Variants in SEMA3C observed in about 807,000 individuals in gnomAD.
SEMA3C encodes semaphorin-3C.
Under a neutral mutation model 89.4 loss-of-function variants are expected in SEMA3C, and 47 were observed. That is an observed-to-expected ratio of 0.53 (90% CI 0.42 to 0.67). The LOEUF (loss-of-function observed/expected upper bound fraction) is 0.67. Ranked by LOEUF, SEMA3C falls within the 30% of genes least tolerant of loss-of-function variation. The pLI is 0.00. For synonymous variants in SEMA3C, 310 were observed against 320.2 expected, an observed-to-expected ratio of 0.97 and a Z score of 0.34; for missense variants, 839 against 929.1, an observed-to-expected ratio of 0.90 and a Z score of 1.26.
intron 2 of SEMA3C, among the ~76,000 whole-genome samples, chr7:80,884,733 G>GT (rs1311535178): frequency 1.3e-5 from 2 of 152,194 alleles, no homozygotes; most frequent in Non-Finnish European, 2.9e-5. Context: ...AAATAGTAAA[G>GT]TGACTGTTTC....
upstream of SEMA3C, chr7:80,922,225 T>C (rs768130388): frequency 7.8e-7 from 1 of 1,283,644 alleles, no homozygotes; most frequent in Non-Finnish European, 1.0e-6. Context: ...ATTGCCGTAA[T>C]GTCTCAGGTT....
chr7:80,908,872 T>C (rs932964783), intron 2 of SEMA3C, among the ~76,000 whole-genome samples: 1 of 152,062 alleles, frequency 6.6e-6, no homozygotes, highest in African/African-American at 2.4e-5. Context: ...AAACTAATGA[T>C]CCAATTATAT....
In SEMA3C at chr7:80,798,240, AAAAAG is replaced by A; in HGVS notation, c.987-9_987-5del. ...GGCTGATCCTTTGAAAACTGAGCTA[AAAAAG>A]AAAACAGAAAAAGGCATTTTCAAAT... On this transcript the variant is annotated splice_region_variant and splice_polypyrimidine_tract_variant and intron_variant, in intron 10 of 17. Transcript: ENST00000265361. 1 of 1,427,442 alleles carries A rather than the reference AAAAAG, an allele frequency of 7.0e-7. No individual in the cohort carries two copies. Among genetic ancestry groups the A allele is most frequent in the South Asian group, 1.7e-5 (1 of 60,524 alleles). 88.4% of individuals were successfully genotyped at this position (1,427,442 alleles called of 1,614,324 possible). A position where few individuals can be genotyped will look rare whatever the true frequency, so the allele number is the denominator to read the frequency against.
At chr7:80,874,518 G>C (rs1266388499) in intron 2 of SEMA3C, among the ~76,000 whole-genome samples, 1 of 151,520 alleles carries the variant, frequency 6.6e-6, no homozygotes, top group Non-Finnish European at 1.5e-5. Flanking sequence ...CCAGGCTGGA[G>C]TGCAATGGCA....
In SEMA3C at chr7:80,804,243, T is replaced by C. The variant is rs371017270; in HGVS notation, c.664A>G (p.Met222Val). The part of the protein sequence containing the change: ...QHNSKWLSEP[M>V]FVDAHVIPDG... ...GGGATGACATGTGCATCTACAAACA[T>C]AGGTTCTAGAAAAAAAGGTAAAAGA... is the stretch of plus-strand genomic sequence containing the variant. The change falls in exon 8 of 18, where the codon ATG becomes GTG. Residue 222 changes from methionine to valine, a missense_variant. Transcript: ENST00000265361. 6.3e-6 allele frequency: 10 copies of C among 1,589,354 alleles called. No homozygotes were observed. The highest frequency in any genetic ancestry group is 1.4e-5 in the African/African-American group (1 of 73,772).
At chr7:80,776,028 A>G (rs1401045384) in intron 12 of SEMA3C, among the ~76,000 whole-genome samples, 1 of 151,842 alleles carries the variant, frequency 6.6e-6, no homozygotes, top group Middle Eastern at 3.2e-3. Context: ...CATCCTCAAA[A>G]GCAGATCTAC....
intron 4 of SEMA3C, among the ~76,000 whole-genome samples, chr7:80,823,596 T>C (rs904420377): frequency 3.3e-5 from 5 of 152,030 alleles, no homozygotes; most frequent in African/African-American, 1.2e-4. Context: ...TCTAGGGAAA[T>C]GAATCAAGGT....
At chr7:80,813,559 T>G (rs1488704610) in intron 5 of SEMA3C, among the ~76,000 whole-genome samples, 1 of 152,248 alleles carries the variant, frequency 6.6e-6, no homozygotes, top group Admixed American at 6.5e-5. Context: ...TGTAATATTA[T>G]ATTGATATAT....
At chr7:80,756,966 C>A (rs909722957) in intron 15 of SEMA3C, among the ~76,000 whole-genome samples, 2 of 152,178 alleles carry the variant, frequency 1.3e-5, no homozygotes, top group African/African-American at 2.4e-5. Flanking sequence ...CTTTAGAATG[C>A]ATTATCCCTG....
intron 2 of SEMA3C, among the ~76,000 whole-genome samples, chr7:80,875,702 A>G (rs924558202): frequency 6.6e-6 from 1 of 152,014 alleles, no homozygotes; most frequent in South Asian, 2.1e-4. Flanking sequence ...CTGGGTGATC[A>G]GACTGACTGC....
chr7:80,902,192 A>G (rs899222046), intron 2 of SEMA3C, among the ~76,000 whole-genome samples: 6 of 152,172 alleles, frequency 3.9e-5, no homozygotes, highest in Non-Finnish European at 8.8e-5. Context: ...GACTCAAGCT[A>G]TCTGCCCACC....
intron 12 of SEMA3C, among the ~76,000 whole-genome samples, chr7:80,780,772 T>C (rs971549242): frequency 7.2e-5 from 11 of 152,056 alleles, no homozygotes; most frequent in African/African-American, 2.7e-4. Context: ...TAGTACCAGA[T>C]ACTCCGGAGG....
In SEMA3C at chr7:80,769,787, A is replaced by T. The variant is rs1289135056; in HGVS notation, c.1355-4544T>A. ...GGCATGAGAATCGCTCGAACCTGGGAGGCGGAAGTTGCAATAAGCTGAGAT... is the reference window on the plus strand; with the variant it reads ...GGCATGAGAATCGCTCGAACCTGGGTGGCGGAAGTTGCAATAAGCTGAGAT... On this transcript the variant is annotated intron_variant, in intron 12 of 17. Coordinates refer to ENST00000265361, the MANE Select transcript of SEMA3C (RefSeq NM_006379.5). 2.2e-5 allele frequency among the ~76,000 whole-genome samples: 3 copies of T among 134,486 alleles called. No homozygotes were observed. The East Asian group carries it at 8.0e-4, about 36-fold the overall frequency. The allele number at this position is 134,486 out of a possible 152,430, so 88.2% of individuals were successfully genotyped here.
chr7:80,768,351 A>C (rs1788350237), intron 12 of SEMA3C, among the ~76,000 whole-genome samples: 1 of 151,954 alleles, frequency 6.6e-6, no homozygotes, highest in Non-Finnish European at 1.5e-5. Context: ...GTCTCTACTA[A>C]AAAATACAAA....
intron 5 of SEMA3C, among the ~76,000 whole-genome samples, chr7:80,815,439 A>G (rs1789577386): frequency 6.6e-6 from 1 of 151,742 alleles, no homozygotes; most frequent in Non-Finnish European, 1.5e-5. Context: ...TCAGCCTCCT[A>G]CTCTGAGAAG....
At chr7:80,921,001 C>G (rs961365769), upstream of SEMA3C, among the ~76,000 whole-genome samples, 3 of 152,150 alleles carry the variant, frequency 2.0e-5, no homozygotes, top group African/African-American at 7.2e-5. Context: ...AGCAAATTCA[C>G]GTAAGATGGA....
At chr7:80,915,259 T>C (rs992790010) in intron 2 of SEMA3C, among the ~76,000 whole-genome samples, 4 of 152,190 alleles carry the variant, frequency 2.6e-5, no homozygotes, top group African/African-American at 9.7e-5. Context: ...AAGGGTCTGT[T>C]TTTCCATTCT....
intron 12 of SEMA3C, among the ~76,000 whole-genome samples, chr7:80,782,604 G>C (rs1273289551): frequency 6.6e-6 from 1 of 152,104 alleles, no homozygotes; most frequent in African/African-American, 2.4e-5. Context: ...TTATATTCTG[G>C]TTGTATTATA....
At chr7:80,876,922 A>G (rs1562919307) in intron 2 of SEMA3C, among the ~76,000 whole-genome samples, 1 of 152,188 alleles carries the variant, frequency 6.6e-6, no homozygotes, top group African/African-American at 2.4e-5. Flanking sequence ...TGCTCCCAGC[A>G]GTTCTCGGGG....
Sources: allele counts gnomAD v4.1 joint callset (sites outside exome capture counted in the v4.1 genomes callset), GRCh38; gene constraint gnomAD v4.1.1; transcripts MANE v1.5; gene names NCBI Gene and HGNC (gene_info 2026-07-23, HGNC 2026-07-21).